The following SPMIP3 variants were observed in gnomAD, a reference collection of about 807,000 sequenced individuals.
SPMIP3 encodes the protein sperm microtubule inner protein 3.
At chr1:244,370,175 TGTTAG>T in the SPMIP3 span, among the ~76,000 whole-genome samples, 1 of 152,170 alleles carries the variant, frequency 6.6e-6, no homozygotes, top group Middle Eastern at 3.2e-3. Flanking sequence ...CCTTGGGAGA[TGTTAG>T]CCACCAAGTA....
chr1:244,358,563 TGATA>T, the SPMIP3 span, among the ~76,000 whole-genome samples: 3 of 143,240 alleles, frequency 2.1e-5, no homozygotes, highest in Admixed American at 1.5e-4. Flanking sequence ...CCAGCCTAAG[TGATA>T]GAGTGAGAGT....
chr1:244,373,333 T>TATATATATATGC, the SPMIP3 span, among the ~76,000 whole-genome samples: 2 of 73,464 alleles, frequency 2.7e-5, no homozygotes, highest in South Asian at 7.1e-4. Flanking sequence ...AAAAAAAAAT[T>TATATATATATGC]ATATATATAT....
chr1:244,355,434 C>T, the SPMIP3 span, among the ~76,000 whole-genome samples: 1 of 152,158 alleles, frequency 6.6e-6, no homozygotes, highest in Non-Finnish European at 1.5e-5. Context: ...TGTCTCCAGG[C>T]TGGAGTGTAG....
the SPMIP3 span, among the ~76,000 whole-genome samples, chr1:244,382,600 G>GTTTTTTTTT: frequency 4.7e-5 from 5 of 106,056 alleles, no homozygotes; most frequent in Middle Eastern, 5.8e-3. Context: ...TCTGGCTGCT[G>GTTTTTTTTT]TTTTTTTTTT....
chr1:244,361,502 T>C, the SPMIP3 span, among the ~76,000 whole-genome samples: 5 of 152,176 alleles, frequency 3.3e-5, no homozygotes, highest in African/African-American at 1.2e-4. Context: ...GTGCTGGGAT[T>C]ACAGGCGTGA....
At chr1:244,363,863 A>T in the SPMIP3 span, among the ~76,000 whole-genome samples, 17 of 152,162 alleles carry the variant, frequency 1.1e-4, no homozygotes, top group Non-Finnish European at 1.9e-4. Context: ...CCTCTGCCTA[A>T]TGTCCACCTT....
At chr1:244,386,223 A>C in the SPMIP3 span, among the ~76,000 whole-genome samples, 42 of 152,134 alleles carry the variant, frequency 2.8e-4, no homozygotes, top group Non-Finnish European at 5.6e-4. Flanking sequence ...ATTATATTAA[A>C]TCATTAACAT....
the SPMIP3 span, among the ~76,000 whole-genome samples, chr1:244,374,006 G>A: frequency 2.0e-5 from 3 of 151,974 alleles, no homozygotes; most frequent in Admixed American, 6.6e-5. Flanking sequence ...CCAGCTACTC[G>A]GGAGGCTGAG....
the SPMIP3 span, among the ~76,000 whole-genome samples, chr1:244,386,912 T>G: frequency 6.6e-6 from 1 of 152,222 alleles, no homozygotes; most frequent in East Asian, 1.9e-4. Flanking sequence ...CTTGGGCAAA[T>G]TAATCTTTTT....
the SPMIP3 span, chr1:244,375,406 G>C: frequency 1.2e-6 from 2 of 1,613,908 alleles, no homozygotes; most frequent in Non-Finnish European, 1.7e-6. Flanking sequence ...AGACGTTCAA[G>C]GCTATTACCC....
At chr1:244,371,220 G>A in the SPMIP3 span, among the ~76,000 whole-genome samples, 2 of 152,150 alleles carry the variant, frequency 1.3e-5, no homozygotes, top group Non-Finnish European at 2.9e-5. Flanking sequence ...AATCACGCAC[G>A]GTGCCTGCAC....
the SPMIP3 span, among the ~76,000 whole-genome samples, chr1:244,360,931 G>A: frequency 1.3e-5 from 2 of 151,642 alleles, no homozygotes; most frequent in African/African-American, 4.8e-5. Flanking sequence ...AACATGAAGG[G>A]AACTGGAGGA....
the SPMIP3 span, among the ~76,000 whole-genome samples, chr1:244,372,527 C>T: frequency 4.6e-5 from 7 of 151,960 alleles, no homozygotes; most frequent in South Asian, 2.1e-4. Flanking sequence ...CACTGCAAGC[C>T]CCACCTTCCA....
chr1:244,383,516 A>T, the SPMIP3 span, among the ~76,000 whole-genome samples: 2 of 152,214 alleles, frequency 1.3e-5, no homozygotes, highest in African/African-American at 4.8e-5. Context: ...CTCTAAAAAA[A>T]TAAATAACCA....
At chr1:244,375,056 C>T in the SPMIP3 span, 7 of 169,434 alleles carry the variant, frequency 4.1e-5, no homozygotes, top group East Asian at 7.8e-4. Flanking sequence ...TTTTTCCTAA[C>T]GTTTTGAACC....
chr1:244,376,966 G>T, the SPMIP3 span, among the ~76,000 whole-genome samples: 1 of 151,452 alleles, frequency 6.6e-6, no homozygotes, highest in Non-Finnish European at 1.5e-5. Context: ...CCACCATCAC[G>T]CTCGGCTAAT....
the SPMIP3 span, among the ~76,000 whole-genome samples, chr1:244,361,128 G>A: frequency 2.9e-4 from 44 of 152,110 alleles, no homozygotes; most frequent in African/African-American, 1.1e-3. Flanking sequence ...AACGGTGGAT[G>A]GTTAATGGAA....
At chr1:244,367,750 C>T in the SPMIP3 span, among the ~76,000 whole-genome samples, 2 of 152,058 alleles carry the variant, frequency 1.3e-5, no homozygotes, top group Admixed American at 6.6e-5. Context: ...GCAGGAGTGG[C>T]CAATGGAGGT....
chr1:244,377,184 T>C, the SPMIP3 span, among the ~76,000 whole-genome samples: 2 of 150,868 alleles, frequency 1.3e-5, no homozygotes, highest in African/African-American at 2.4e-5. Context: ...TGCAGTGGCG[T>C]GATCTCAGCT....
Sources: gnomAD v4.1 joint callset for allele counts (sites outside exome capture counted in the v4.1 genomes callset) on GRCh38, gnomAD v4.1.1 for gene constraint, MANE v1.5 for transcripts, NCBI Gene and HGNC (gene_info 2026-07-23, HGNC 2026-07-21) for gene names.